The following STOX2 variants were observed in gnomAD, a reference collection of about 807,000 sequenced individuals.
STOX2 encodes storkhead-box protein 2.
In STOX2, 28 loss-of-function variants were observed where a neutral mutation model predicts 60.9. The observed-to-expected ratio is 0.46, with a 90% confidence interval of 0.34 to 0.63. The LOEUF is 0.63. STOX2 is among the 30% of genes least tolerant of loss of function. The probability of loss-of-function intolerance (pLI) is 0.01; values close to 1 mark genes in which losing one functional copy is unlikely to be tolerated. For synonymous variants in STOX2, 472 were observed against 463.9 expected (o/e 1.02, Z -0.22); for missense variants, 1,024 against 1,187.7 (o/e 0.86, Z 2.03).
At position 184,020,574 on chromosome 4, in the gene STOX2, C is replaced by A. The variant is rs1374513214; in HGVS notation, c.*3290C>A. ...ATGCTACCATGTCGAGCCCAAACTC[C>A]ACTTTAATTAAAAGAGCTGTGCTGT... is the stretch of plus-strand genomic sequence containing the variant. On this transcript the variant is annotated 3_prime_UTR_variant, in exon 4 of 4. Transcript: ENST00000308497. The A allele has an allele frequency of 1.3e-5, 2 of 151,986 alleles. No homozygotes were observed. Among genetic ancestry groups the A allele is most frequent in the Non-Finnish European group, 2.9e-5 (2 of 68,042 alleles). 9.4% of individuals were successfully genotyped at this position (151,986 alleles called of 1,614,324 possible). A position where few individuals can be genotyped will look rare whatever the true frequency, so the allele number is the denominator to read the frequency against.
intron 1 of STOX2, among the ~76,000 whole-genome samples, chr4:183,857,591 A>G (rs1438673220): frequency 6.6e-6 from 1 of 152,086 alleles, no homozygotes; most frequent in African/African-American, 2.4e-5. Flanking sequence ...AACTTAAAAG[A>G]TGTTCTGCTT....
intron 1 of STOX2, among the ~76,000 whole-genome samples, chr4:183,812,041 C>G (rs1274734057): frequency 4.0e-5 from 6 of 151,540 alleles, no homozygotes; most frequent in South Asian, 2.1e-4. Context: ...AAGTGATCCT[C>G]CCACCTCAGC....
At chr4:183,995,887 G>A (rs919421275) in intron 1 of STOX2, among the ~76,000 whole-genome samples, 2 of 152,104 alleles carry the variant, frequency 1.3e-5, no homozygotes, top group African/African-American at 4.8e-5. Context: ...CTGCACCCCC[G>A]TGCTGGCTGG....
At chr4:183,945,987 A>G (rs1742875493) in intron 1 of STOX2, among the ~76,000 whole-genome samples, 2 of 152,260 alleles carry the variant, frequency 1.3e-5, no homozygotes, top group Non-Finnish European at 2.9e-5. Flanking sequence ...TTGGGACTAC[A>G]GTTTCTAAAG....
At chr4:183,805,826 A>C (rs1330805668) in intron 1 of STOX2, among the ~76,000 whole-genome samples, 1 of 152,218 alleles carries the variant, frequency 6.6e-6, no homozygotes, top group African/African-American at 2.4e-5. Flanking sequence ...AAATACAAAA[A>C]GTAAAAATAA....
intron 1 of STOX2, among the ~76,000 whole-genome samples, chr4:183,874,955 ATAT>A (rs1740790927): frequency 8.9e-4 from 27 of 30,168 alleles, no homozygotes; most frequent in African/African-American, 2.7e-3. Flanking sequence ...AAAAAAAAAT[ATAT>A]ATATATATAT....
At chr4:183,911,740 G>T (rs1336886406) in intron 1 of STOX2, among the ~76,000 whole-genome samples, 2 of 152,158 alleles carry the variant, frequency 1.3e-5, no homozygotes, top group South Asian at 4.2e-4. Context: ...TATACTCTTT[G>T]GTACACGGTT....
At chr4:183,861,213 G>T (rs1253006342) in intron 1 of STOX2, among the ~76,000 whole-genome samples, 1 of 152,136 alleles carries the variant, frequency 6.6e-6, no homozygotes, top group African/African-American at 2.4e-5. Flanking sequence ...TTCAAATTCA[G>T]GAGCAGACAG....
At chr4:183,799,915 T>C (rs1243291639) in intron 1 of STOX2, among the ~76,000 whole-genome samples, 6 of 152,178 alleles carry the variant, frequency 3.9e-5, no homozygotes, top group African/African-American at 7.2e-5. Context: ...TGATGGGGCC[T>C]GCCAGCCTCT....
chr4:184,007,869 AC>A (rs1332130596), intron 2 of STOX2, among the ~76,000 whole-genome samples: 1 of 152,078 alleles, frequency 6.6e-6, no homozygotes, highest in African/African-American at 2.4e-5. Flanking sequence ...CGCTCTAACG[AC>A]CTCATTTTGA....
intron 3 of STOX2, among the ~76,000 whole-genome samples, chr4:184,012,572 A>G (rs1050225692): frequency 2.6e-5 from 4 of 152,186 alleles, no homozygotes; most frequent in African/African-American, 9.7e-5. Context: ...TTTGTGATTT[A>G]TTAAAGGGCT....
chr4:183,988,813 G>A (rs1291773645), intron 1 of STOX2: 1 of 152,748 alleles, frequency 6.5e-6, no homozygotes, highest in Non-Finnish European at 1.5e-5. Flanking sequence ...TCCAGAAAGG[G>A]CCAGGTAGGT....
rs1216420685 is a variant in STOX2, at chr4:183,906,619, G to C, written c.-172G>C. ...GAGCCTTCGCCGTGGGGGTGTGGGGGGGCGTGGGGAGGGCCGGACCCGCCG... is the reference window on the plus strand; with the variant it reads ...GAGCCTTCGCCGTGGGGGTGTGGGGCGGCGTGGGGAGGGCCGGACCCGCCG... On this transcript the variant is annotated 5_prime_UTR_variant, in exon 1 of 4. Coordinates refer to ENST00000308497, the MANE Select transcript of STOX2 (RefSeq NM_020225.3). The C allele has an allele frequency of 9.5e-6, 6 of 630,398 alleles. No homozygotes were observed. The highest frequency in any genetic ancestry group is 1.6e-5 in the Non-Finnish European group (6 of 376,796). The allele number at this position is 630,398 out of a possible 1,614,324, so 39.1% of individuals were successfully genotyped here. A position where few individuals can be genotyped will look rare whatever the true frequency, so the allele number is the denominator to read the frequency against.
chr4:183,921,779 A>C (rs1742105322), intron 1 of STOX2, among the ~76,000 whole-genome samples: 1 of 152,250 alleles, frequency 6.6e-6, no homozygotes. Flanking sequence ...ACAATATATA[A>C]TAGTTAAAAA....
intron 1 of STOX2, among the ~76,000 whole-genome samples, chr4:183,805,878 G>C (rs1358412071): frequency 6.6e-6 from 1 of 152,238 alleles, no homozygotes; most frequent in Non-Finnish European, 1.5e-5. Context: ...AACAGCTCTT[G>C]ATAGCTTGGC....
At chr4:183,912,083 G>T (rs1741797768) in intron 1 of STOX2, among the ~76,000 whole-genome samples, 1 of 152,086 alleles carries the variant, frequency 6.6e-6, no homozygotes, top group South Asian at 2.1e-4. Flanking sequence ...GATTCTATTT[G>T]TTCCTCCCAC....
chr4:184,009,170 C>G lies in STOX2; in HGVS notation c.332C>G (p.Pro111Arg). 1 of 1,507,460 alleles carries G rather than the reference C, an allele frequency of 6.6e-7. No individual in the cohort carries two copies. The highest frequency in any genetic ancestry group is 8.9e-7 in the Non-Finnish European group (1 of 1,127,596). 93.4% of individuals were successfully genotyped at this position (1,507,460 alleles called of 1,614,324 possible). A position where few individuals can be genotyped will look rare whatever the true frequency, so the allele number is the denominator to read the frequency against. ...LTTCFPGVPT[P>R]SQEILRHTLN... is the part of the protein sequence containing the mutation. ...TTTTTTTTTTCAGGTGTTCCAACGC[C>G]AAGCCAAGAAATTCTGCGGCACACG... The change falls in exon 3 of 4, where the codon CCA becomes CGA. Residue 111 changes from proline (P) to arginine (R), a missense_variant. By Grantham distance (103) the Pro-to-Arg change is moderately radical (BLOSUM62 -2). Coordinates refer to ENST00000308497, the MANE Select transcript of STOX2 (RefSeq NM_020225.3). This position sits in a 1 kb window ranked among gnomAD's most constrained non-coding sequence, Gnocchi z 4.0.
chr4:183,820,421 G>GACA (rs1739280660), intron 1 of STOX2, among the ~76,000 whole-genome samples: 1 of 152,148 alleles, frequency 6.6e-6, no homozygotes, highest in African/African-American at 2.4e-5. Flanking sequence ...TGACAAACCT[G>GACA]GGTGCCCTGC....
chr4:184,016,881 G>T (rs536328311), intron 3 of STOX2, among the ~76,000 whole-genome samples: 2 of 152,320 alleles, frequency 1.3e-5, no homozygotes, highest in East Asian at 3.9e-4. Flanking sequence ...TTCACTGAGT[G>T]TGCTGCTGAT....
Sources: allele counts gnomAD v4.1 joint callset (sites outside exome capture counted in the v4.1 genomes callset), GRCh38; gene constraint gnomAD v4.1.1; non-coding constraint Gnocchi (gnomAD v3.1); transcripts MANE v1.5; gene names NCBI Gene and HGNC (gene_info 2026-07-23, HGNC 2026-07-21).